Variants in OLFM3 observed in about 807,000 individuals in gnomAD.
OLFM3 encodes the protein olfactomedin 3, also known as noelin-3.
OLFM3 carries 20 observed loss-of-function variants against 48.6 expected under a neutral mutation model. That is an observed-to-expected ratio of 0.41 (90% confidence interval 0.29 to 0.60). The LOEUF is 0.60. Ranked by LOEUF, OLFM3 falls within the 20% of genes least tolerant of loss-of-function variation. The pLI is 0.28. For synonymous variants in OLFM3, 222 were observed against 198.1 expected, an observed-to-expected ratio of 1.12 and a Z score of -1.01; for missense variants, 437 against 544.3, an observed-to-expected ratio of 0.80 and a Z score of 1.96.
chr1:101,938,235 G>A (rs756387004), intron 1 of OLFM3, among the ~76,000 whole-genome samples: 1 of 151,880 alleles, frequency 6.6e-6, no homozygotes, highest in South Asian at 2.1e-4. Context: ...TTTCTATTTC[G>A]CTGAGCCCTC....
At chr1:101,844,774 T>A (rs1202560264) in intron 1 of OLFM3, among the ~76,000 whole-genome samples, 1 of 152,198 alleles carries the variant, frequency 6.6e-6, no homozygotes, top group Non-Finnish European at 1.5e-5. Flanking sequence ...TTCATTTTGT[T>A]TTATTCAAAA....
chr1:101,820,573 G>A (rs1654564213), intron 4 of OLFM3, among the ~76,000 whole-genome samples: 1 of 152,054 alleles, frequency 6.6e-6, no homozygotes, highest in Admixed American at 6.6e-5. Flanking sequence ...CAGGCCAGAG[G>A]TCCATCGCTG....
At chr1:101,877,910 G>A (rs1019374715) in intron 1 of OLFM3, among the ~76,000 whole-genome samples, 2 of 151,444 alleles carry the variant, frequency 1.3e-5, no homozygotes, top group Non-Finnish European at 2.9e-5. Context: ...CTTAGAGTTT[G>A]CTAGATAAGT....
chr1:101,920,513 A>G (rs548384765), intron 1 of OLFM3, among the ~76,000 whole-genome samples: 1 of 152,352 alleles, frequency 6.6e-6, no homozygotes, highest in South Asian at 2.1e-4. Context: ...AATGTGAAGT[A>G]AAATATGTTC....
chr1:101,923,574 A>C (rs950643215), intron 1 of OLFM3, among the ~76,000 whole-genome samples: 3 of 152,156 alleles, frequency 2.0e-5, no homozygotes, highest in Non-Finnish European at 2.9e-5. Context: ...GCTTTGGGGT[A>C]AAGTCTTACT....
intron 1 of OLFM3, among the ~76,000 whole-genome samples, chr1:101,951,608 A>G (rs899811400): frequency 1.3e-5 from 2 of 152,186 alleles, no homozygotes; most frequent in Non-Finnish European, 2.9e-5. Context: ...CATTTTCTGT[A>G]GCCATTTATC....
intron 1 of OLFM3, among the ~76,000 whole-genome samples, chr1:101,896,488 C>CTTTTTT (rs35260761): frequency 6.5e-4 from 50 of 76,684 alleles, no homozygotes; most frequent in Non-Finnish European, 7.4e-4. Flanking sequence ...TGCTTACACA[C>CTTTTTT]TTTTTTTTTT....
intron 1 of OLFM3, among the ~76,000 whole-genome samples, chr1:101,926,749 C>T (rs536102534): frequency 9.2e-5 from 14 of 152,202 alleles, no homozygotes; most frequent in African/African-American, 2.2e-4. Context: ...GATTCTATTA[C>T]GATGAATTAT....
chr1:101,965,994 G>A (rs542545991), intron 1 of OLFM3, among the ~76,000 whole-genome samples: 328 of 152,050 alleles, frequency 2.2e-3, no homozygotes, highest in African/African-American at 7.6e-3. Context: ...AGTTTATTTC[G>A]CATGAGCCTT....
chr1:101,854,032 T>C (rs1187933227), intron 1 of OLFM3, among the ~76,000 whole-genome samples: 2 of 151,978 alleles, frequency 1.3e-5, no homozygotes, highest in Non-Finnish European at 2.9e-5. Context: ...TCTAATAGCA[T>C]AGGGGTGGCA....
At chr1:101,953,911 G>T (rs1660217148) in intron 1 of OLFM3, among the ~76,000 whole-genome samples, 1 of 152,068 alleles carries the variant, frequency 6.6e-6, no homozygotes, top group Admixed American at 6.6e-5. Flanking sequence ...CAGATTCTGG[G>T]TTATGAGGGA....
At chr1:101,837,524 T>A (rs1337768599) in intron 1 of OLFM3, 1 of 152,186 alleles carries the variant, frequency 6.6e-6, no homozygotes, top group Non-Finnish European at 1.5e-5. Flanking sequence ...GGAAAAGAGA[T>A]CATTGACGAC....
intron 1 of OLFM3, among the ~76,000 whole-genome samples, chr1:101,902,916 A>G (rs1179819911): frequency 6.6e-6 from 1 of 152,112 alleles, no homozygotes; most frequent in Non-Finnish European, 1.5e-5. Context: ...TCCCAAGCCC[A>G]TACTCTTGAC....
intron 1 of OLFM3, among the ~76,000 whole-genome samples, chr1:101,953,584 C>G (rs1238449472): frequency 6.6e-6 from 1 of 152,080 alleles, no homozygotes; most frequent in African/African-American, 2.4e-5. Context: ...TAACCATGTT[C>G]TAGAAGAAAA....
chr1:101,881,437 C>G (rs546168447), intron 1 of OLFM3, among the ~76,000 whole-genome samples: 1 of 151,878 alleles, frequency 6.6e-6, no homozygotes, highest in East Asian at 1.9e-4. Flanking sequence ...CTTACTGCCT[C>G]TTTTCTAAAT....
intron 1 of OLFM3, among the ~76,000 whole-genome samples, chr1:101,980,898 T>C (rs749262721): frequency 3.3e-4 from 50 of 152,238 alleles, no homozygotes; most frequent in Non-Finnish European, 6.0e-4. Flanking sequence ...TCTTTCAATG[T>C]ATATGAAAGA....
At chr1:101,947,490 C>G (rs1208297439) in intron 1 of OLFM3, among the ~76,000 whole-genome samples, 1 of 152,046 alleles carries the variant, frequency 6.6e-6, no homozygotes, top group Non-Finnish European at 1.5e-5. Context: ...TCTAGTTTAC[C>G]AAGTGTGTTG....
chr1:101,993,604 A>G (rs912533149), intron 1 of OLFM3, among the ~76,000 whole-genome samples: 2 of 152,164 alleles, frequency 1.3e-5, no homozygotes, highest in African/African-American at 4.8e-5. Context: ...TTTTCTAAAA[A>G]GAACTGGAAA....
At chr1:101,835,344 T>C (rs1207318638) in intron 2 of OLFM3, among the ~76,000 whole-genome samples, 1 of 152,230 alleles carries the variant, frequency 6.6e-6, no homozygotes, top group Non-Finnish European at 1.5e-5. Flanking sequence ...ATCATAATTC[T>C]TGCTCTGTCA....
Sources: gnomAD v4.1 joint callset for allele counts (sites outside exome capture counted in the v4.1 genomes callset) on GRCh38, gnomAD v4.1.1 for gene constraint, MANE v1.5 for transcripts, NCBI Gene and HGNC (gene_info 2026-07-23, HGNC 2026-07-21) for gene names.